The following RREB1 variants were observed in gnomAD, a reference collection of about 807,000 sequenced individuals.
The protein encoded by RREB1 is ras-responsive element-binding protein 1.
A neutral mutation model predicts 117.8 loss-of-function variants in RREB1; 27 were observed. The ratio of observed to expected loss-of-function variants is 0.23; its 90% CI spans 0.17 to 0.32. RREB1 has a LOEUF of 0.32. Among genes scored for constraint, RREB1 ranks in the 10% least tolerant of loss-of-function variants. RREB1 has a pLI of 1.00. For synonymous variants in RREB1, 1,298 were observed against 1,026.7 expected, an observed-to-expected ratio of 1.26 and a Z score of -5.05; for missense variants, 2,577 against 2,378.2, an observed-to-expected ratio of 1.08 and a Z score of -1.74.
In RREB1 at chr6:7,230,703, C is replaced by T. The variant is rs773086422; in HGVS notation, c.2604C>T (p.Gly868=). ...CTGCCTTCCTGGAACCCCAGAACGG[C>T]TTTCTTCACAGGGGCCCCACCCAGC... ...PLTAFLEPQN[G]FLHRGPTQPP... is the part of the protein sequence containing the mutation. The change falls in exon 10 of 13, where the codon GGC becomes GGT. Residue 868 remains glycine (G), a synonymous_variant. Coordinates refer to ENST00000379938, the MANE Select transcript of RREB1 (RefSeq NM_001003699.4). The T allele has an allele frequency of 2.8e-5, 45 of 1,594,894 alleles. 1 individual carries two copies. The highest frequency in any genetic ancestry group is 3.6e-5 in the Non-Finnish European group (42 of 1,170,042).
intron 4 of RREB1, 164 bp downstream of exon 4, chr6:7,182,246 GT>G: frequency 1.6e-6 from 1 of 618,994 alleles, no homozygotes; most frequent in Non-Finnish European, 2.8e-6. Context: ...TATGGCTTAT[GT>G]TAGTTTCCTT....
rs767653756 is a variant in RREB1, at chr6:7,231,904, A to G, written c.3805A>G (p.Thr1269Ala). ...CCTACAGAGGCACATGCTCACACAC[A>G]CTGGTAAGAGGGCCACCGGGCTCCC... ...SSLQRHMLTH[T>A]GQKPFPCQKC... Residue 1269 changes from threonine to alanine, a missense_variant, in exon 10 of 13, where the codon ACT becomes GCT. Thr to Ala is a moderately conservative substitution (Grantham distance 58). Transcript: ENST00000379938. The G allele has an allele frequency of 6.3e-7, 1 of 1,592,966 alleles. No individual in the cohort carries two copies. The highest frequency in any genetic ancestry group is 1.7e-5 in the Admixed American group (1 of 58,666).
rs1561805883 is a variant in RREB1, at chr6:7,241,981, C to A, written c.3973+1379C>A. Among the ~76,000 whole-genome samples the A allele has an allele frequency of 1.3e-5, 2 of 152,334 alleles. 1 individual carries two copies. Among genetic ancestry groups the A allele is most frequent in the South Asian group, 4.1e-4 (2 of 4,826 alleles). On this transcript the variant is annotated intron_variant, in intron 11 of 12. Coordinates refer to ENST00000379938, the MANE Select transcript of RREB1 (RefSeq NM_001003699.4). ...AAGCGCACACCAGTGCTGGCAGGCA[C>A]GCGTTTGCTGCAGACCATCCTGTTA...
At chr6:7,193,640 C>T (rs542249263) in intron 6 of RREB1, among the ~76,000 whole-genome samples, 1 of 152,244 alleles carries the variant, frequency 6.6e-6, no homozygotes, top group South Asian at 2.1e-4. Context: ...TTTGCACATA[C>T]ATAATGAGGT....
At chr6:7,236,120 C>T (rs1036930968) in intron 10 of RREB1, among the ~76,000 whole-genome samples, 10 of 152,178 alleles carry the variant, frequency 6.6e-5, no homozygotes, top group African/African-American at 2.4e-4. Context: ...GTGCACTGTT[C>T]CTGCCTTTAC....
chr6:7,126,032 T>A (rs897013400), intron 1 of RREB1, among the ~76,000 whole-genome samples: 2 of 149,484 alleles, frequency 1.3e-5, no homozygotes, highest in African/African-American at 2.4e-5. Context: ...GACGGAGTCT[T>A]GCTCTGTCGC....
At chr6:7,169,664 C>T (rs1036953239) in intron 1 of RREB1, among the ~76,000 whole-genome samples, 17 of 152,180 alleles carry the variant, frequency 1.1e-4, no homozygotes, top group Non-Finnish European at 2.4e-4. Context: ...GACATGCTCC[C>T]TGGAGAAGAG....
At chr6:7,107,835 G>A (rs952764344), upstream of RREB1, 13 of 153,242 alleles carry the variant, frequency 8.5e-5, no homozygotes, top group Admixed American at 2.6e-4. Context: ...CGAGACGGGG[G>A]CCGGGACGAC....
At chr6:7,200,284 T>TGTGTG (rs1765897463) in intron 6 of RREB1, among the ~76,000 whole-genome samples, 1 of 80,266 alleles carries the variant, frequency 1.2e-5, no homozygotes. Context: ...GTGTGTGTAT[T>TGTGTG]TTTTTTTTTT....
chr6:7,216,282 G>C (rs952542344), intron 8 of RREB1: 1 of 152,238 alleles, frequency 6.6e-6, no homozygotes, highest in African/African-American at 2.4e-5. Context: ...CAGGCAGGCA[G>C]AGGGATCTGG....
rs1289283283 is a variant in RREB1, at chr6:7,247,037, C to T, written c.4587C>T (p.Pro1529=). 10 of 1,612,546 alleles carry T rather than the reference C, an allele frequency of 6.2e-6. No individual in the cohort carries two copies. The highest frequency in any genetic ancestry group is 5.3e-5 in the African/African-American group (4 of 74,862). The part of the protein sequence containing the change: ...AEKLAEETEG[P]SDGESAAEKR... ...AGCTCGCGGAGGAGACGGAGGGCCC[C>T]TCCGACGGGGAGAGCGCGGCCGAGA... Residue 1529 remains proline, a synonymous_variant, in exon 12 of 13, where the codon CCC becomes CCT. Coordinates refer to ENST00000379938, the MANE Select transcript of RREB1 (RefSeq NM_001003699.4).
intron 6 of RREB1, among the ~76,000 whole-genome samples, chr6:7,189,905 G>A: frequency 6.6e-6 from 1 of 152,146 alleles, no homozygotes; most frequent in Non-Finnish European, 1.5e-5. Context: ...ATTGTTTGGG[G>A]TGAACCTATG....
intron 8 of RREB1, among the ~76,000 whole-genome samples, chr6:7,224,638 A>AGACT (rs1767476418): frequency 6.6e-6 from 1 of 152,156 alleles, no homozygotes; most frequent in Non-Finnish European, 1.5e-5. Context: ...TCAGCCAGAA[A>AGACT]GAACCTCACC....
chr6:7,150,714 G>C (rs1763079057), intron 1 of RREB1, among the ~76,000 whole-genome samples: 2 of 152,246 alleles, frequency 1.3e-5, no homozygotes, highest in Admixed American at 6.5e-5. Context: ...GCAGATCTGT[G>C]TGCTGACTGT....
chr6:7,163,315 C>T (rs145070889), intron 1 of RREB1, among the ~76,000 whole-genome samples: 23 of 152,146 alleles, frequency 1.5e-4, no homozygotes, highest in African/African-American at 4.8e-4. Flanking sequence ...TGAAATACTT[C>T]GTGGAAATGT....
At chr6:7,168,254 G>GAAAAA (rs574593859) in intron 1 of RREB1, among the ~76,000 whole-genome samples, 4 of 72,924 alleles carry the variant, frequency 5.5e-5, no homozygotes, top group East Asian at 4.5e-4. Flanking sequence ...GACTCCGTCT[G>GAAAAA]AAAAAAAAAA....
intron 1 of RREB1, among the ~76,000 whole-genome samples, chr6:7,165,882 G>A (rs957536043): frequency 9.2e-5 from 14 of 152,074 alleles, no homozygotes; most frequent in African/African-American, 3.4e-4. Context: ...GAGTTTGGGG[G>A]CTTGCAAAGG....
chr6:7,202,400 T>G (rs1292044960), intron 6 of RREB1, among the ~76,000 whole-genome samples: 1 of 152,244 alleles, frequency 6.6e-6, no homozygotes, highest in Non-Finnish European at 1.5e-5. Flanking sequence ...CCTTTCAAGC[T>G]GAAGTGGGAA....
At chr6:7,127,191 T>C (rs1262199370) in intron 1 of RREB1, among the ~76,000 whole-genome samples, 1 of 151,978 alleles carries the variant, frequency 6.6e-6, no homozygotes, top group Non-Finnish European at 1.5e-5. Flanking sequence ...GGCTCGGTGG[T>C]GGAGTCTGTT....
Sources: gnomAD v4.1 joint callset for allele counts (sites outside exome capture counted in the v4.1 genomes callset) on GRCh38, gnomAD v4.1.1 for gene constraint, MANE v1.5 for transcripts, NCBI Gene and HGNC (gene_info 2026-07-23, HGNC 2026-07-21) for gene names.